Variants in KBTBD12 observed in about 807,000 individuals in gnomAD.
KBTBD12 encodes the protein kelch repeat and BTB domain containing 12.
In KBTBD12, 53 loss-of-function variants were observed where a neutral mutation model predicts 58.7. That is an observed-to-expected ratio of 0.90 (90% confidence interval 0.72 to 1.14). The LOEUF (loss-of-function observed/expected upper bound fraction) is 1.14. Ranked by LOEUF, KBTBD12 falls within the 50% of genes most tolerant of loss-of-function variation. KBTBD12 has a pLI of 0.00. For missense variants in KBTBD12, 704 were observed against 751.3 expected (o/e 0.94, Z 0.74); for synonymous variants, 236 against 259.8 (o/e 0.91, Z 0.88).
At chr3:127,951,756 A>T (rs1298954721) in intron 4 of KBTBD12, among the ~76,000 whole-genome samples, 1 of 152,100 alleles carries the variant, frequency 6.6e-6, no homozygotes, top group East Asian at 1.9e-4. Flanking sequence ...TCGTTGAAAC[A>T]TTTCTTAGGA....
intron 4 of KBTBD12, among the ~76,000 whole-genome samples, chr3:127,948,879 G>A (rs1418549989): frequency 6.6e-6 from 1 of 152,192 alleles, no homozygotes; most frequent in African/African-American, 2.4e-5. Flanking sequence ...GGAGGAAAGA[G>A]GGAACTAACT....
intron 4 of KBTBD12, among the ~76,000 whole-genome samples, chr3:127,939,691 G>GAA (rs76815477): frequency 6.6e-6 from 1 of 151,690 alleles, no homozygotes; most frequent in African/African-American, 2.4e-5. Context: ...CAGACAAAGT[G>GAA]AAAAAAATAC....
intron 5 of KBTBD12, among the ~76,000 whole-genome samples, chr3:127,983,042 G>A (rs1940900083): frequency 6.6e-6 from 1 of 152,206 alleles, no homozygotes; most frequent in African/African-American, 2.4e-5. Context: ...CCTCTATGGG[G>A]GTGGAAATAG....
At chr3:127,971,727 G>A (rs1940685627) in intron 5 of KBTBD12, among the ~76,000 whole-genome samples, 1 of 152,178 alleles carries the variant, frequency 6.6e-6, no homozygotes, top group African/African-American at 2.4e-5. Context: ...ACCCGCTGTG[G>A]GCAGGGGGAT....
At chr3:127,969,945 A>AT (rs1940652387) in intron 5 of KBTBD12, among the ~76,000 whole-genome samples, 1 of 152,214 alleles carries the variant, frequency 6.6e-6, no homozygotes, top group Admixed American at 6.5e-5. Flanking sequence ...CAAAAAAAAA[A>AT]GATAAATTGT....
Position 127,924,292 on chromosome 3 carries a change from CTGTG to C in KBTBD12, c.1070+171_1070+174del, listed in dbSNP as rs137868320. ...GTATACAGAACATGCTTTTGTGTGTCTGTGTGTGTGTGTATACATTTATATATAT... is the reference window on the plus strand; with the variant it reads ...GTATACAGAACATGCTTTTGTGTGTCTGTGTGTGTATACATTTATATATAT... On this transcript the variant is annotated intron_variant, in intron 2 of 5. Coordinates refer to ENST00000405109, the MANE Select transcript of KBTBD12 (RefSeq NM_207335.4). 2.0e-5 allele frequency among the ~76,000 whole-genome samples: 3 copies of C among 149,020 alleles called. No individual in the cohort carries two copies. The South Asian group carries it at 6.3e-4, about 31-fold the overall frequency.
At chr3:127,958,732 C>T (rs1342811020) in intron 4 of KBTBD12, among the ~76,000 whole-genome samples, 2 of 152,162 alleles carry the variant, frequency 1.3e-5, no homozygotes. Flanking sequence ...CCCCTTGAAG[C>T]TCTTTTATTT....
At chr3:127,920,284 T>C (rs1458560345) in intron 1 of KBTBD12, among the ~76,000 whole-genome samples, 1 of 152,196 alleles carries the variant, frequency 6.6e-6, no homozygotes, top group Non-Finnish European at 1.5e-5. Flanking sequence ...TTGCTTTGCA[T>C]ATTAGAAATA....
Position 127,922,993 on chromosome 3 carries a change from T to C in KBTBD12, c.-69T>C, listed in dbSNP as rs1181061076. ...TTGTAGCTTCATGAGTAATCAGACA[T>C]GCAAATAGCCCCTCAGGAATCAAGC... On this transcript the variant is annotated 5_prime_UTR_variant, in exon 2 of 6. The change abolishes an upstream ATG in the 5' untranslated region. Transcript: ENST00000405109. 1.2e-6 allele frequency: 1 copy of C among 863,904 alleles called. No individual in the cohort carries two copies. The highest frequency in any genetic ancestry group is 1.7e-5 in the African/African-American group (1 of 59,228). The allele number at this position is 863,904 out of a possible 1,614,324, so 53.5% of individuals were successfully genotyped here. A position where few individuals can be genotyped will look rare whatever the true frequency, so the allele number is the denominator to read the frequency against.
intron 5 of KBTBD12, among the ~76,000 whole-genome samples, chr3:127,973,995 C>T (rs1362568275): frequency 6.6e-6 from 1 of 152,132 alleles, no homozygotes; most frequent in African/African-American, 2.4e-5. Flanking sequence ...TTACTATTTT[C>T]ATTTTCAACT....
rs561962783 is a variant in KBTBD12 at position 127,963,228 on chromosome 3, G to A, written c.1532G>A (p.Arg511Gln). Residue 511 changes from arginine to glutamine, a missense_variant, in exon 5 of 6, where the codon CGA becomes CAA. By Grantham distance (43) the Arg-to-Gln change is conservative. Coordinates refer to ENST00000405109, the MANE Select transcript of KBTBD12 (RefSeq NM_207335.4). ...GCVGQDKGQV[R>Q]KCLDVVEIYN... Reference sequence around the variant, plus strand: ...GTAGGTCAAGACAAGGGCCAGGTTCGAAAATGCCTTGACGTGGTGGAGATC... The same window carrying A: ...GTAGGTCAAGACAAGGGCCAGGTTCAAAAATGCCTTGACGTGGTGGAGATC... 51 of 1,612,136 alleles carry A rather than the reference G, an allele frequency of 3.2e-5. 1 individual carries two copies. In the South Asian group the frequency reaches 3.6e-4, roughly 12 times the overall value.
Position 127,963,392 on chromosome 3 carries a change from G to A in KBTBD12, c.1690+6G>A, listed in dbSNP as rs768782236. The A allele has an allele frequency of 1.9e-6, 3 of 1,590,226 alleles. No homozygotes were observed. The highest frequency in any genetic ancestry group is 2.6e-6 in the Non-Finnish European group (3 of 1,168,166). ...CGGGGGATTCCATGGAGCAGGTATG[G>A]GTCCAGTTTTAAACATTTTGTTACC... On this transcript the variant is annotated splice_donor_region_variant and intron_variant, in intron 5 of 5. Transcript: ENST00000405109.
In KBTBD12 at chr3:127,922,904, A is replaced by G. The variant is rs1294765479; in HGVS notation, c.-112-46A>G. ...AACTAATGCTGCATATCTAAATTAT[A>G]GAGAATTTTTTCTTAGAAGGAAACT... On this transcript the variant is annotated intron_variant, in intron 1 of 5. Coordinates refer to ENST00000405109, the MANE Select transcript of KBTBD12 (RefSeq NM_207335.4). 5.3e-6 allele frequency: 3 copies of G among 561,396 alleles called. No individual in the cohort carries two copies. The African/African-American group carries it at 5.6e-5, about 11-fold the overall frequency. The allele number at this position is 561,396 out of a possible 1,614,324, so 34.8% of individuals were successfully genotyped here.
chr3:127,956,142 A>G (rs569510176), intron 4 of KBTBD12, among the ~76,000 whole-genome samples: 28 of 152,304 alleles, frequency 1.8e-4, no homozygotes, highest in South Asian at 6.2e-4. Context: ...TGTTTTTGCT[A>G]TAAGTATCTA....
At position 127,984,559 on chromosome 3, in the gene KBTBD12, G is replaced by T. The variant is rs892300515; in HGVS notation, c.*281G>T. 11 of 301,334 alleles carry T rather than the reference G, an allele frequency of 3.7e-5. No homozygotes were observed. In the Admixed American group the frequency reaches 5.2e-4, roughly 14 times the overall value. 18.7% of individuals were successfully genotyped at this position (301,334 alleles called of 1,614,324 possible). A position where few individuals can be genotyped will look rare whatever the true frequency, so the allele number is the denominator to read the frequency against. On this transcript the variant is annotated 3_prime_UTR_variant, in exon 6 of 6. Transcript: ENST00000405109. Reference sequence around the variant, plus strand: ...AGCAGCAGAGGGAGGGTCTCACTCTGCTGGGGACCCATGAACAGCACTGCC... The same window carrying T: ...AGCAGCAGAGGGAGGGTCTCACTCTTCTGGGGACCCATGAACAGCACTGCC...
At chr3:127,953,833 A>G (rs529061890) in intron 4 of KBTBD12, among the ~76,000 whole-genome samples, 20 of 152,318 alleles carry the variant, frequency 1.3e-4, no homozygotes, top group African/African-American at 4.3e-4. Context: ...ATGTGGTTAC[A>G]TGTGCATTTT....
intron 4 of KBTBD12, among the ~76,000 whole-genome samples, chr3:127,962,442 C>G (rs1439067707): frequency 6.6e-6 from 1 of 152,218 alleles, no homozygotes; most frequent in Non-Finnish European, 1.5e-5. Flanking sequence ...CTAAATCTCA[C>G]TTTTATCTCT....
At chr3:127,931,220 T>TA (rs1490129988) in intron 4 of KBTBD12, among the ~76,000 whole-genome samples, 1 of 152,096 alleles carries the variant, frequency 6.6e-6, no homozygotes, top group African/African-American at 2.4e-5. Flanking sequence ...ATTTTTTTTT[T>TA]ACTGAAGGGA....
chr3:127,932,488 A>G (rs146921072), intron 4 of KBTBD12, among the ~76,000 whole-genome samples: 5 of 152,286 alleles, frequency 3.3e-5, no homozygotes, highest in East Asian at 1.9e-4. Context: ...GTCACTGTCA[A>G]TTAGTATAAC....
Sources: allele counts gnomAD v4.1 joint callset (sites outside exome capture counted in the v4.1 genomes callset), GRCh38; gene constraint gnomAD v4.1.1; transcripts MANE v1.5; gene names NCBI Gene and HGNC (gene_info 2026-07-23, HGNC 2026-07-21).